Variants in CCDC201 observed in about 807,000 individuals in gnomAD.
CCDC201 encodes the protein coiled-coil domain-containing protein 201.
At chr7:45,871,826 C>G (rs1356090810) in intron 1 of CCDC201, among the ~76,000 whole-genome samples, 1 of 152,100 alleles carries the variant, frequency 6.6e-6, no homozygotes, top group Admixed American at 6.5e-5. Flanking sequence ...CAAAATGAAA[C>G]CAAATTCCCA....
chr7:45,880,188 G>A, the CCDC201 span, among the ~76,000 whole-genome samples: 1 of 152,164 alleles, frequency 6.6e-6, no homozygotes, highest in East Asian at 1.9e-4. Context: ...CATTGTTGTT[G>A]GCTGTTTAAA....
At chr7:45,874,501 G>A (rs1261540850), upstream of CCDC201, among the ~76,000 whole-genome samples, 1 of 152,218 alleles carries the variant, frequency 6.6e-6, no homozygotes, top group Non-Finnish European at 1.5e-5. Flanking sequence ...GAACCTAAAT[G>A]AGGAGGCACG....
At chr7:45,874,078 C>A (rs942045236), upstream of CCDC201, among the ~76,000 whole-genome samples, 5 of 152,020 alleles carry the variant, frequency 3.3e-5, no homozygotes, top group African/African-American at 9.7e-5. Flanking sequence ...TGCCACCATG[C>A]CTGGCTAATT....
the CCDC201 span, among the ~76,000 whole-genome samples, chr7:45,878,289 C>A: frequency 6.6e-6 from 1 of 152,194 alleles, no homozygotes; most frequent in Non-Finnish European, 1.5e-5. Context: ...AGAATGGTGA[C>A]CCTCTTCGCA....
chr7:45,871,899 G>A (rs1232763396), intron 1 of CCDC201, among the ~76,000 whole-genome samples: 3 of 152,152 alleles, frequency 2.0e-5, no homozygotes, highest in African/African-American at 7.2e-5. Context: ...AACACAAGGA[G>A]GAAACTGGAA....
At chr7:45,869,876 G>A (rs1444271403) in intron 1 of CCDC201, among the ~76,000 whole-genome samples, 1 of 149,924 alleles carries the variant, frequency 6.7e-6, no homozygotes, top group East Asian at 2.0e-4. Flanking sequence ...GGAGTGCAGT[G>A]GTGCAATCTC....
chr7:45,864,694 C>T (rs1387754143), intron 2 of CCDC201, among the ~76,000 whole-genome samples: 1 of 152,068 alleles, frequency 6.6e-6, no homozygotes, highest in East Asian at 1.9e-4. Flanking sequence ...AGACAGCAAG[C>T]AAGCCAGGGT....
At chr7:45,873,395 A>AT (rs1786763734), upstream of CCDC201, among the ~76,000 whole-genome samples, 1 of 145,898 alleles carries the variant, frequency 6.9e-6, no homozygotes, top group East Asian at 1.9e-4. Flanking sequence ...AAAAAAAAAA[A>AT]AACACGTTTC....
At chr7:45,870,362 C>A (rs1409728598) in intron 1 of CCDC201, among the ~76,000 whole-genome samples, 1 of 152,106 alleles carries the variant, frequency 6.6e-6, no homozygotes, top group Non-Finnish European at 1.5e-5. Flanking sequence ...TTAATAAAGG[C>A]AAACAATAAA....
intron 1 of CCDC201, among the ~76,000 whole-genome samples, chr7:45,870,765 G>C (rs150758863): frequency 5.9e-5 from 9 of 152,100 alleles, no homozygotes; most frequent in Non-Finnish European, 1.2e-4. Context: ...ATCACGGGGC[G>C]GGCGGGTGGA....
At chr7:45,882,571 T>G in the CCDC201 span, among the ~76,000 whole-genome samples, 1 of 152,254 alleles carries the variant, frequency 6.6e-6, no homozygotes, top group African/African-American at 2.4e-5. Context: ...ACGGTCAACA[T>G]TTGTTCTTGC....
intron 1 of CCDC201, among the ~76,000 whole-genome samples, chr7:45,870,686 G>GA (rs947042889): frequency 4.2e-4 from 64 of 151,488 alleles, no homozygotes; most frequent in African/African-American, 1.4e-3. Flanking sequence ...GAACTCCTAG[G>GA]AAAAAAATAC....
intron 1 of CCDC201, among the ~76,000 whole-genome samples, chr7:45,872,203 A>G (rs6944454): frequency 0.076 from 11,577 of 152,302 alleles, 737 homozygotes; most frequent in African/African-American, 0.17. Context: ...AAAAAATAGA[A>G]AAAGAATCCC....
At chr7:45,874,727 G>A (rs915012541), upstream of CCDC201, among the ~76,000 whole-genome samples, 6 of 152,350 alleles carry the variant, frequency 3.9e-5, no homozygotes, top group East Asian at 5.8e-4. Context: ...CCTGGTTGGC[G>A]CAGAGCAACA....
the CCDC201 span, among the ~76,000 whole-genome samples, chr7:45,882,241 G>C: frequency 6.6e-6 from 1 of 152,194 alleles, no homozygotes; most frequent in African/African-American, 2.4e-5. Context: ...GGGAAGAGCA[G>C]ATGATGGAAG....
intron 1 of CCDC201, among the ~76,000 whole-genome samples, chr7:45,872,418 T>C (rs1172999840): frequency 6.6e-6 from 1 of 152,226 alleles, no homozygotes; most frequent in African/African-American, 2.4e-5. Flanking sequence ...CTTTTGCATC[T>C]AGAGCATGAG....
the CCDC201 span, among the ~76,000 whole-genome samples, chr7:45,879,600 TA>T: frequency 6.6e-6 from 1 of 152,046 alleles, no homozygotes; most frequent in African/African-American, 2.4e-5. Flanking sequence ...CAAGCAGCAT[TA>T]GGGGGATGGT....
At chr7:45,865,736 A>G (rs1220174628) in intron 2 of CCDC201, among the ~76,000 whole-genome samples, 2 of 152,224 alleles carry the variant, frequency 1.3e-5, no homozygotes, top group African/African-American at 4.8e-5. Context: ...CCATGAGGCC[A>G]GGAAGCTCAT....
chr7:45,871,976 A>G (rs2116525482), intron 1 of CCDC201, among the ~76,000 whole-genome samples: 1 of 152,302 alleles, frequency 6.6e-6, no homozygotes, highest in African/African-American at 2.4e-5. Flanking sequence ...GTAGCACTCA[A>G]ATTTGTAAGT....
Sources: allele counts gnomAD v4.1 joint callset (sites outside exome capture counted in the v4.1 genomes callset), GRCh38; gene constraint gnomAD v4.1.1; transcripts MANE v1.5; gene names NCBI Gene and HGNC (gene_info 2026-07-23, HGNC 2026-07-21).